The following KALRN variants were observed in gnomAD, a reference collection of about 807,000 sequenced individuals.
The protein encoded by KALRN is kalirin.
KALRN carries 70 observed loss-of-function variants against 353.7 expected under a neutral mutation model. The observed-to-expected ratio is 0.20, with a 90% confidence interval of 0.16 to 0.24. KALRN has a LOEUF of 0.24. Among genes scored for constraint, KALRN ranks in the 10% least tolerant of loss-of-function variants. The pLI is 1.00. For synonymous variants in KALRN, 1,391 were observed against 1,434.8 expected, an observed-to-expected ratio of 0.97 and a Z score of 0.69; for missense variants, 2,791 against 3,756.7, an observed-to-expected ratio of 0.74 and a Z score of 6.72.
Position 124,430,782 on chromosome 3 carries a change from C to T in KALRN, c.2829+7C>T. On this transcript the variant is annotated splice_region_variant and intron_variant, in intron 16 of 59. Coordinates refer to ENST00000682506, the MANE Select transcript of KALRN (RefSeq NM_001388419.1). ...GTTCCAACTGGCCATCGAGGTAACA[C>T]CCAAATCTGGCTGCACTGTCCTCCC... 2 of 1,613,304 alleles carry T rather than the reference C, an allele frequency of 1.2e-6. No homozygotes were observed. Among genetic ancestry groups the T allele is most frequent in the East Asian group, 2.2e-5 (1 of 44,838 alleles).
chr3:124,181,249 C>A (rs930329756), intron 1 of KALRN, among the ~76,000 whole-genome samples: 2 of 151,960 alleles, frequency 1.3e-5, no homozygotes, highest in African/African-American at 4.8e-5. Context: ...TGCACTTGTG[C>A]TTTTCTAAAA....
intron 1 of KALRN, among the ~76,000 whole-genome samples, chr3:124,218,970 A>G (rs541287693): frequency 3.1e-4 from 47 of 152,350 alleles, no homozygotes; most frequent in African/African-American, 1.1e-3. Flanking sequence ...GACTTTAGAA[A>G]GTTCATATTG....
intron 59 of KALRN, 77 bp downstream of exon 59, chr3:124,717,462 G>A (rs749887273): frequency 3.5e-5 from 34 of 969,906 alleles, no homozygotes; most frequent in East Asian, 1.1e-4. Flanking sequence ...CAAGGTGGGC[G>A]GATCACAAGG....
Position 124,651,322 on chromosome 3 carries a change from A to G in KALRN, c.5795+384A>G, listed in dbSNP as rs1430026188. Among the ~76,000 whole-genome samples the G allele has an allele frequency of 1.3e-5, 2 of 152,156 alleles. 1 individual carries two copies. Among genetic ancestry groups the G allele is most frequent in the Middle Eastern group, 6.3e-3 (2 of 316 alleles). On this transcript the variant is annotated intron_variant, in intron 38 of 59. Coordinates refer to ENST00000682506, the MANE Select transcript of KALRN (RefSeq NM_001388419.1). ...TCTGATAGAGATCACCTAAGAAAACATTTCCCCAAATGTAGGAAAGTTATA... is the reference window on the plus strand; with the variant it reads ...TCTGATAGAGATCACCTAAGAAAACGTTTCCCCAAATGTAGGAAAGTTATA...
At chr3:124,664,356 T>C (rs1247195232) in intron 45 of KALRN, among the ~76,000 whole-genome samples, 3 of 121,496 alleles carry the variant, frequency 2.5e-5, no homozygotes, top group Non-Finnish European at 5.0e-5. Context: ...TGTGTGTGTG[T>C]GTGTGTGTGT....
chr3:124,589,228 G>A (rs748395495), intron 34 of KALRN, among the ~76,000 whole-genome samples: 6 of 152,158 alleles, frequency 3.9e-5, no homozygotes, highest in African/African-American at 1.4e-4. Context: ...TTGATAAATG[G>A]AGTTTAATAT....
intron 13 of KALRN, among the ~76,000 whole-genome samples, chr3:124,408,071 C>G (rs1020237898): frequency 1.3e-5 from 2 of 152,136 alleles, no homozygotes; most frequent in African/African-American, 4.8e-5. Flanking sequence ...CTGTGCCTGG[C>G]CAAAACTTTT....
intron 1 of KALRN, among the ~76,000 whole-genome samples, chr3:124,182,693 T>A (rs1374661698): frequency 6.6e-6 from 1 of 152,126 alleles, no homozygotes; most frequent in East Asian, 1.9e-4. Flanking sequence ...CAGGGAGTAT[T>A]AACCAAGAAA....
At chr3:124,332,596 G>A (rs1021272771) in intron 8 of KALRN, among the ~76,000 whole-genome samples, 5 of 152,034 alleles carry the variant, frequency 3.3e-5, no homozygotes, top group Non-Finnish European at 5.9e-5. Context: ...TTGATTGTAT[G>A]TGTCATTTTC....
At chr3:124,066,949 G>A (rs1369276724) in intron 1 of KALRN, among the ~76,000 whole-genome samples, 2 of 152,184 alleles carry the variant, frequency 1.3e-5, no homozygotes, top group African/African-American at 4.8e-5. Flanking sequence ...CTCTAGCTAC[G>A]TAAGCTCTAG....
chr3:124,717,826 A>G (rs199586725), intron 59 of KALRN, among the ~76,000 whole-genome samples: 1 of 151,796 alleles, frequency 6.6e-6, no homozygotes, highest in South Asian at 2.1e-4. Context: ...ACTTTTTTTT[A>G]TTTGAGACAG....
chr3:124,261,817 G>T (rs892163787), intron 3 of KALRN, among the ~76,000 whole-genome samples: 4 of 152,126 alleles, frequency 2.6e-5, no homozygotes, highest in African/African-American at 9.7e-5. Context: ...TAACGTTGCC[G>T]AACCTGACAT....
chr3:124,116,132 C>G (rs1479539462), intron 1 of KALRN, among the ~76,000 whole-genome samples: 3 of 152,168 alleles, frequency 2.0e-5, no homozygotes, highest in East Asian at 3.9e-4. Context: ...CAGCCCAGCT[C>G]TCTTCCCTCT....
At chr3:124,595,834 C>A (rs887191091) in intron 34 of KALRN, among the ~76,000 whole-genome samples, 4 of 152,232 alleles carry the variant, frequency 2.6e-5, no homozygotes, top group South Asian at 4.1e-4. Flanking sequence ...TAAGGAAATA[C>A]CCTGGCTGAG....
At position 124,311,064 on chromosome 3, in the gene KALRN, C is replaced by CTTTTTTTTTTTTTT. The variant is rs71145446; in HGVS notation, c.1092+12166_1092+12179dup. On this transcript the variant is annotated intron_variant, in intron 6 of 59. Coordinates refer to ENST00000682506, the MANE Select transcript of KALRN (RefSeq NM_001388419.1). Reference sequence around the variant, plus strand: ...TCAAAACCACAATGAGATACTACTTCTTTTTTTTTTTTTTTTTTTTTTTTT... The same window carrying CTTTTTTTTTTTTTT: ...TCAAAACCACAATGAGATACTACTTCTTTTTTTTTTTTTTTTTTTTTTTTTTTTTTTTTTTTTTT... Among the ~76,000 whole-genome samples, 248 of 67,522 alleles carry CTTTTTTTTTTTTTT rather than the reference C, an allele frequency of 3.7e-3. 45 individuals are homozygous for CTTTTTTTTTTTTTT. The highest frequency in any genetic ancestry group is 5.8e-3 in the Non-Finnish European group (218 of 37,832). The allele number at this position is 67,522 out of a possible 152,430, so 44.3% of individuals were successfully genotyped here. A position where few individuals can be genotyped will look rare whatever the true frequency, so the allele number is the denominator to read the frequency against.
rs898352246 is a variant in KALRN at position 124,650,863 on chromosome 3, A to G, written c.5720A>G (p.Asn1907Ser). The G allele has an allele frequency of 6.2e-7, 1 of 1,614,160 alleles. No homozygotes were observed. The change falls in exon 38 of 60, where the codon AAT (asparagine) becomes AGT (serine). Residue 1907 changes from asparagine to serine, a missense_variant. Physicochemically the swap from Asn to Ser is conservative, Grantham distance 46. Around this residue, in one of 11 missense-constraint regions of KALRN, gnomAD observed 1,065 missense variants for 1,156.4 expected, o/e 0.92. Coordinates refer to ENST00000682506, the MANE Select transcript of KALRN (RefSeq NM_001388419.1). ...TTGAAAGACCCTGCAGGCTGCCTGA[A>G]TGAGGGGATGGCCCCACCCACACCT... ...GSLKDPAGCLNEGMAPPTPPK... is the reference protein window; with the variant it reads ...GSLKDPAGCLSEGMAPPTPPK...
chr3:124,569,321 T>C (rs766547948), intron 34 of KALRN, among the ~76,000 whole-genome samples: 10 of 152,174 alleles, frequency 6.6e-5, no homozygotes, highest in Non-Finnish European at 8.8e-5. Flanking sequence ...TTCCCCATGC[T>C]GCAGAAGGTG....
At chr3:124,343,498 C>A (rs1304491336) in intron 9 of KALRN, among the ~76,000 whole-genome samples, 1 of 152,162 alleles carries the variant, frequency 6.6e-6, no homozygotes, top group Non-Finnish European at 1.5e-5. Context: ...TGAAAAGTGT[C>A]TTTATCCTCC....
At chr3:124,339,319 A>G (rs1263498325) in intron 9 of KALRN, among the ~76,000 whole-genome samples, 1 of 152,006 alleles carries the variant, frequency 6.6e-6, no homozygotes, top group Non-Finnish European at 1.5e-5. Context: ...CTTCCACCCA[A>G]CTTTGGGTCT....
Sources: allele counts gnomAD v4.1 joint callset (sites outside exome capture counted in the v4.1 genomes callset), GRCh38; gene constraint gnomAD v4.1.1; regional missense constraint gnomAD v4.1.1; transcripts MANE v1.5; gene names NCBI Gene and HGNC (gene_info 2026-07-23, HGNC 2026-07-21).